TPO: variants seen among roughly 807,000 people sequenced by gnomAD.
TPO encodes thyroid peroxidase, also known as thyroid microsomal antigen.
A neutral mutation model predicts 96.9 loss-of-function variants in TPO; 78 were observed. That is an observed-to-expected ratio of 0.81 (90% confidence interval 0.67 to 0.97). The LOEUF (loss-of-function observed/expected upper bound fraction) is 0.97. Among genes scored for constraint, TPO ranks in the 50% least tolerant of loss-of-function variants. The probability of loss-of-function intolerance (pLI) is 0.00; values close to 1 mark genes in which losing one functional copy is unlikely to be tolerated. For synonymous variants in TPO, 547 were observed against 538.0 expected (o/e 1.02, Z -0.23); for missense variants, 1,252 against 1,274.8 (o/e 0.98, Z 0.27).
In TPO at chr2:1,493,980, A is replaced by G; in HGVS notation, c.1947A>G (p.Thr649=). 6.2e-7 allele frequency: 1 copy of G among 1,614,096 alleles called. No homozygotes were observed. Among genetic ancestry groups the G allele is most frequent in the Non-Finnish European group, 8.5e-7 (1 of 1,179,996 alleles). ...LAENFLPRAR[T]GPLFACLIGK... is the part of the protein sequence containing the mutation. The stretch of plus-strand genomic sequence containing the variant: ...AAAACTTCCTCCCCAGGGCTCGGAC[A>G]GGGCCCCTGTTTGCCTGTCTCATTG... Residue 649 remains threonine, a synonymous_variant, in exon 11 of 17, where the codon ACA becomes ACG. Transcript: ENST00000329066.
intron 15 of TPO, among the ~76,000 whole-genome samples, chr2:1,521,206 G>A (rs909196054): frequency 1.4e-4 from 21 of 152,256 alleles, no homozygotes; most frequent in African/African-American, 4.8e-4. Context: ...GGAAAGCCGC[G>A]AGGTCCTTCC....
chr2:1,396,610 G>A (rs1412807365), intron 1 of TPO, among the ~76,000 whole-genome samples: 2 of 152,228 alleles, frequency 1.3e-5, no homozygotes, highest in African/African-American at 4.8e-5. Flanking sequence ...TGCAGAATGA[G>A]CCGCTGTTCT....
Position 1,457,709 on chromosome 2 carries a change from G to A in TPO, c.819+1427G>A, listed in dbSNP as rs1294059188. ...GTGTGGGCAGATGTGTACATAGCAT[G>A]TATGATACTGTGTGGTCACAAGTAT... On this transcript the variant is annotated intron_variant, in intron 7 of 16. Transcript: ENST00000329066. 5.9e-5 allele frequency among the ~76,000 whole-genome samples: 9 copies of A among 151,584 alleles called. 1 individual carries two copies. The highest frequency in any genetic ancestry group is 2.2e-4 in the African/African-American group (9 of 41,344).
chr2:1,412,446 C>T (rs370976457), upstream of TPO, among the ~76,000 whole-genome samples: 6 of 152,096 alleles, frequency 3.9e-5, no homozygotes, highest in African/African-American at 1.4e-4. Context: ...GTTGGCTGAT[C>T]TCCTCCCTGC....
chr2:1,382,747 C>T (rs183930533), intron 1 of TPO, among the ~76,000 whole-genome samples: 1 of 151,946 alleles, frequency 6.6e-6, no homozygotes, highest in African/African-American at 2.4e-5. Context: ...TTTTATTATA[C>T]TTTAAGCTCT....
intron 13 of TPO, among the ~76,000 whole-genome samples, chr2:1,500,262 AG>A (rs1672742589): frequency 6.6e-6 from 1 of 152,252 alleles, no homozygotes; most frequent in Non-Finnish European, 1.5e-5. Context: ...AGATGGGGAC[AG>A]GTAGGAGAGA....
chr2:1,515,796 C>A (rs1022288935), intron 14 of TPO, among the ~76,000 whole-genome samples: 1 of 152,282 alleles, frequency 6.6e-6, no homozygotes, highest in Admixed American at 6.5e-5. Flanking sequence ...CCCATTCCCC[C>A]AGCCGCTGCC....
intron 9 of TPO, among the ~76,000 whole-genome samples, chr2:1,487,005 G>A (rs6760043): frequency 0.034 from 5,175 of 152,250 alleles, 299 homozygotes; most frequent in African/African-American, 0.12. Flanking sequence ...AGGCCAAACC[G>A]ATCCTTTAAA....
At chr2:1,419,960 T>C (rs1663340107) in intron 2 of TPO, among the ~76,000 whole-genome samples, 1 of 152,200 alleles carries the variant, frequency 6.6e-6, no homozygotes, top group Non-Finnish European at 1.5e-5. Flanking sequence ...TGGATGTCAG[T>C]CATCTCTATT....
At chr2:1,435,078 C>T (rs774203729) in intron 4 of TPO, among the ~76,000 whole-genome samples, 1 of 152,168 alleles carries the variant, frequency 6.6e-6, no homozygotes, top group Non-Finnish European at 1.5e-5. Flanking sequence ...GGACTACAGG[C>T]ACTCACCACC....
In TPO at chr2:1,523,357, C is replaced by T. The variant is rs535817209; in HGVS notation, c.2618+6375C>T. ...ACTGTGTGCAACTTCCCTAAATCCC[C>T]CCACTGTGTTCAACCTCCCCAAATA... is the stretch of plus-strand genomic sequence containing the variant. On this transcript the variant is annotated intron_variant, in intron 15 of 16. Coordinates refer to ENST00000329066, the MANE Select transcript of TPO (RefSeq NM_001206744.2). 2.0e-3 allele frequency among the ~76,000 whole-genome samples: 248 copies of T among 121,526 alleles called. 5 individuals carry two copies. The highest frequency in any genetic ancestry group is 0.016 in the East Asian group (50 of 3,138). The allele number at this position is 121,526 out of a possible 152,430, so 79.7% of individuals were successfully genotyped here. A position where few individuals can be genotyped will look rare whatever the true frequency, so the allele number is the denominator to read the frequency against.
rs1680531518 is a variant in TPO at position 1,539,934 on chromosome 2, TAGCTGTTAAGTTCTGATGGAAA to T, written c.2619-652_2619-631del. ...GGAAACAAACAGCTGGAAAATATAGTAGCTGTTAAGTTCTGATGGAAAAGCTGTTTTGTACTTACAGTTAAAT... is the reference window on the plus strand; with the variant it reads ...GGAAACAAACAGCTGGAAAATATAGTAGCTGTTTTGTACTTACAGTTAAAT... On this transcript the variant is annotated intron_variant, in intron 15 of 16. Coordinates refer to ENST00000329066, the MANE Select transcript of TPO (RefSeq NM_001206744.2). Among the ~76,000 whole-genome samples, 3 of 152,168 alleles carry T rather than the reference TAGCTGTTAAGTTCTGATGGAAA, an allele frequency of 2.0e-5. No homozygotes were observed. In the South Asian group the frequency reaches 6.2e-4, roughly 32 times the overall value.
upstream of TPO, among the ~76,000 whole-genome samples, chr2:1,410,506 G>A (rs888808041): frequency 1.4e-4 from 22 of 152,236 alleles, no homozygotes; most frequent in African/African-American, 4.8e-4. Context: ...AACACACGAT[G>A]TCTGCAGGGA....
intron 7 of TPO, among the ~76,000 whole-genome samples, chr2:1,465,208 T>A (rs1405465788): frequency 2.6e-5 from 4 of 152,232 alleles, no homozygotes; most frequent in Non-Finnish European, 1.5e-5. Flanking sequence ...CAATTGGCTG[T>A]AAGTATTTGG....
chr2:1,507,378 G>C (rs573484029), intron 14 of TPO, among the ~76,000 whole-genome samples: 1 of 152,052 alleles, frequency 6.6e-6, no homozygotes, highest in Non-Finnish European at 1.5e-5. Context: ...CTCTTTTTTG[G>C]TTCCATATGA....
intron 15 of TPO, among the ~76,000 whole-genome samples, chr2:1,525,737 T>C (rs1676299131): frequency 2.3e-5 from 2 of 86,858 alleles, no homozygotes; most frequent in Admixed American, 1.3e-4. Context: ...CTCTGCAAAC[T>C]CCCCAAATCT....
At chr2:1,485,341 T>C (rs1163469137) in intron 9 of TPO, among the ~76,000 whole-genome samples, 5 of 152,222 alleles carry the variant, frequency 3.3e-5, no homozygotes, top group Admixed American at 1.3e-4. Context: ...GTCTTTGCTA[T>C]TTTAAATAGT....
intron 5 of TPO, among the ~76,000 whole-genome samples, chr2:1,450,286 G>A (rs1667193887): frequency 6.6e-6 from 1 of 152,150 alleles, no homozygotes; most frequent in African/African-American, 2.4e-5. Context: ...ACAGCTTTAT[G>A]CTCAAGCGCT....
chr2:1,473,774 AT>A (rs1009029093), intron 7 of TPO, among the ~76,000 whole-genome samples: 15 of 151,488 alleles, frequency 9.9e-5, no homozygotes, highest in African/African-American at 3.6e-4. Context: ...TATGAAAGGG[AT>A]TTTTTTTTCT....
Sources: allele counts gnomAD v4.1 joint callset (sites outside exome capture counted in the v4.1 genomes callset), GRCh38; gene constraint gnomAD v4.1.1; transcripts MANE v1.5; gene names NCBI Gene and HGNC (gene_info 2026-07-23, HGNC 2026-07-21).